The following NTN1 variants were observed in gnomAD, a reference collection of about 807,000 sequenced individuals.
NTN1 encodes netrin 1, also known as netrin-1.
In NTN1, 11 loss-of-function variants were observed where a neutral mutation model predicts 54.2. The ratio of observed to expected loss-of-function variants is 0.20; its 90% CI spans 0.13 to 0.34. The LOEUF (loss-of-function observed/expected upper bound fraction) is 0.34. Among genes scored for constraint, NTN1 ranks in the 10% least tolerant of loss-of-function variants. NTN1 has a pLI of 1.00. For synonymous variants in NTN1, 371 were observed against 382.0 expected, an observed-to-expected ratio of 0.97 and a Z score of 0.33; for missense variants, 740 against 893.1, an observed-to-expected ratio of 0.83 and a Z score of 2.18.
chr17:9,032,110 G>T (rs1242116911), intron 2 of NTN1, among the ~76,000 whole-genome samples: 2 of 152,184 alleles, frequency 1.3e-5, no homozygotes, highest in Non-Finnish European at 2.9e-5. Context: ...AGGGATAGGC[G>T]CCCCCAGTGA....
At chr17:9,146,192 G>T (rs2092312814) in intron 2 of NTN1, among the ~76,000 whole-genome samples, 1 of 152,188 alleles carries the variant, frequency 6.6e-6, no homozygotes, top group South Asian at 2.1e-4. Context: ...GTAAGGTGCA[G>T]GGAGGGGACA....
In NTN1 at chr17:9,182,929, G is replaced by A. The variant is rs765790977; in HGVS notation, c.1371G>A (p.Ala457=). 36 of 1,613,956 alleles carry A rather than the reference G, an allele frequency of 2.2e-5. No homozygotes were observed. The South Asian group carries it at 3.2e-4, about 14-fold the overall frequency. Reference sequence around the variant, plus strand: ...AACCTCACAAAGAGATCCCTGTAGCGCCGCCGACGACTGCAGCCAGCAGCG... The same window carrying A: ...AACCTCACAAAGAGATCCCTGTAGCACCGCCGACGACTGCAGCCAGCAGCG... The part of the protein sequence containing the change: ...PIAPCIKIPV[A]PPTTAASSVE... Residue 457 remains alanine, a synonymous_variant, in exon 5 of 7, where the codon GCG becomes GCA. Transcript: ENST00000173229.
At chr17:9,110,339 G>T (rs892892971) in intron 2 of NTN1, among the ~76,000 whole-genome samples, 1 of 150,428 alleles carries the variant, frequency 6.6e-6, no homozygotes, top group African/African-American at 2.5e-5. Context: ...ATGCGATCTT[G>T]GCTCACTGCA....
chr17:9,018,865 T>C (rs146527265), upstream of NTN1, among the ~76,000 whole-genome samples: 11 of 152,344 alleles, frequency 7.2e-5, no homozygotes, highest in Admixed American at 6.5e-4. Context: ...GAGCTCACTG[T>C]TGTGACTGTT....
intron 2 of NTN1, among the ~76,000 whole-genome samples, chr17:9,072,384 A>C (rs2092034987): frequency 1.4e-5 from 2 of 147,958 alleles, no homozygotes; most frequent in Non-Finnish European, 3.0e-5. Flanking sequence ...TTGAATTCTT[A>C]TTTTCTTAAG....
chr17:9,217,365 A>G (rs1192465711), intron 5 of NTN1, among the ~76,000 whole-genome samples: 1 of 152,194 alleles, frequency 6.6e-6, no homozygotes, highest in African/African-American at 2.4e-5. Context: ...TTTTGGCACT[A>G]GTGTGAATGT....
intron 6 of NTN1, among the ~76,000 whole-genome samples, chr17:9,229,068 TTGTGTTTGTGAC>T (rs1905709137): frequency 8.7e-6 from 1 of 115,022 alleles, no homozygotes; most frequent in Non-Finnish European, 1.8e-5. Context: ...GCGTGTGTGA[TTGTGTTTGTGAC>T]TGTGTGTGTG....
At chr17:9,179,006 T>TTC (rs1238694699) in intron 3 of NTN1, 1 of 152,150 alleles carries the variant, frequency 6.6e-6, no homozygotes, top group African/African-American at 2.4e-5. Context: ...TCTCCACCCT[T>TTC]TCAAGCCCAG....
At chr17:9,015,687 C>T in the NTN1 span, among the ~76,000 whole-genome samples, 1 of 152,086 alleles carries the variant, frequency 6.6e-6, no homozygotes, top group Non-Finnish European at 1.5e-5. Flanking sequence ...TCTTCCAAAC[C>T]ACACATCCCT....
At chr17:9,216,370 C>G (rs1223518136) in intron 5 of NTN1, among the ~76,000 whole-genome samples, 2 of 152,242 alleles carry the variant, frequency 1.3e-5, no homozygotes, top group Admixed American at 1.3e-4. Context: ...CCTTTCTTCT[C>G]CTAGTTCATA....
chr17:9,073,084 A>G (rs1457039787), intron 2 of NTN1, among the ~76,000 whole-genome samples: 1 of 152,256 alleles, frequency 6.6e-6, no homozygotes, highest in Non-Finnish European at 1.5e-5. Flanking sequence ...GCCAGCGAGG[A>G]CGAGCGGATA....
chr17:9,108,468 CT>C (rs1452663187), intron 2 of NTN1, among the ~76,000 whole-genome samples: 8 of 152,190 alleles, frequency 5.3e-5, no homozygotes, highest in Non-Finnish European at 7.3e-5. Flanking sequence ...ACTTTCTGGC[CT>C]TTGGATGCTG....
intron 5 of NTN1, among the ~76,000 whole-genome samples, chr17:9,200,164 A>G (rs1159843534): frequency 6.6e-6 from 1 of 152,352 alleles, no homozygotes; most frequent in African/African-American, 2.4e-5. Flanking sequence ...ATCACCCTTC[A>G]GTGCTGACAG....
At chr17:9,024,031 G>A (rs1205846938) in intron 2 of NTN1, among the ~76,000 whole-genome samples, 1 of 152,238 alleles carries the variant, frequency 6.6e-6, no homozygotes, top group African/African-American at 2.4e-5. Context: ...GGAGCGTTCA[G>A]TAATTATTTT....
At chr17:9,021,448 T>A (rs1490621373), upstream of NTN1, 1 of 149,938 alleles carries the variant, frequency 6.7e-6, no homozygotes, top group Admixed American at 6.6e-5. Context: ...CTCGCGGACG[T>A]TATTGGCCGG....
At chr17:9,064,603 G>T (rs8078106) in intron 2 of NTN1, among the ~76,000 whole-genome samples, 25,945 of 152,028 alleles carry the variant, frequency 0.17, 2,518 homozygotes, top group African/African-American at 0.23. Flanking sequence ...ATGTCATCCT[G>T]CACACTGTCA....
upstream of NTN1, among the ~76,000 whole-genome samples, chr17:9,019,497 A>G (rs2091838899): frequency 6.6e-6 from 1 of 152,234 alleles, no homozygotes; most frequent in East Asian, 1.9e-4. Context: ...GGTTTTATGC[A>G]TATTTACATT....
At position 9,207,431 on chromosome 17, in the gene NTN1, A is replaced by C. The variant is rs573064619; in HGVS notation, c.1412-13737A>C. Among the ~76,000 whole-genome samples, 3 of 152,346 alleles carry C rather than the reference A, an allele frequency of 2.0e-5. No individual in the cohort carries two copies. In the South Asian group the frequency reaches 6.2e-4, roughly 32 times the overall value. On this transcript the variant is annotated intron_variant, in intron 5 of 6. Coordinates refer to ENST00000173229, the MANE Select transcript of NTN1 (RefSeq NM_004822.3). The stretch of plus-strand genomic sequence containing the variant: ...AAGATAATGAGAGCCAACATTTTTT[A>C]GTGCCTGTCATGTCGGGCTTCATCT...
chr17:9,149,339 A>G (rs935025046), intron 2 of NTN1, among the ~76,000 whole-genome samples: 1 of 151,972 alleles, frequency 6.6e-6, no homozygotes, highest in African/African-American at 2.4e-5. Flanking sequence ...TCACAGAGCA[A>G]AGAGAATTTC....
Sources: gnomAD v4.1 joint callset for allele counts (sites outside exome capture counted in the v4.1 genomes callset) on GRCh38, gnomAD v4.1.1 for gene constraint, MANE v1.5 for transcripts, NCBI Gene and HGNC (gene_info 2026-07-23, HGNC 2026-07-21) for gene names.